Variants in AOAH observed in about 807,000 individuals in gnomAD.
AOAH encodes acyloxyacyl hydrolase, also known as acyloxyacyl hydrolase (neutrophil).
Under a neutral mutation model 92.2 loss-of-function variants are expected in AOAH, and 64 were observed. The ratio of observed to expected loss-of-function variants is 0.69; its 90% CI spans 0.57 to 0.86. The LOEUF (loss-of-function observed/expected upper bound fraction) is 0.86, where lower values mean the gene tolerates loss of function less well. Among genes scored for constraint, AOAH ranks in the 40% least tolerant of loss-of-function variants. The probability of loss-of-function intolerance (pLI) is 0.00; values close to 1 mark genes in which losing one functional copy is unlikely to be tolerated. For missense variants in AOAH, 656 were observed against 694.6 expected (o/e 0.94, Z 0.62); for synonymous variants, 263 against 254.5 (o/e 1.03, Z -0.32).
Position 36,569,578 on chromosome 7 carries a change from T to G in AOAH, c.1021+6996A>C, listed in dbSNP as rs549751834. On this transcript the variant is annotated intron_variant, in intron 13 of 20. Transcript: ENST00000617537. Reference sequence around the variant, plus strand: ...ACTACCAGATTTACATATCTATCTATCTATCTATCTATCTATCTATCTATC... The same window carrying G: ...ACTACCAGATTTACATATCTATCTAGCTATCTATCTATCTATCTATCTATC... 1.4e-3 allele frequency among the ~76,000 whole-genome samples: 206 copies of G among 148,264 alleles called. 1 individual carries two copies. Among genetic ancestry groups the G allele is most frequent in the Non-Finnish European group, 2.6e-3 (170 of 66,618 alleles).
chr7:36,687,695 G>C (rs1286738307), intron 1 of AOAH, among the ~76,000 whole-genome samples: 1 of 152,124 alleles, frequency 6.6e-6, no homozygotes, highest in Non-Finnish European at 1.5e-5. Flanking sequence ...GGCAAAGGAA[G>C]GTTTATGTCC....
At chr7:36,522,005 T>C in intron 20 of AOAH, 34 bp downstream of exon 20, 1 of 1,567,270 alleles carries the variant, frequency 6.4e-7, no homozygotes, top group Non-Finnish European at 8.8e-7. Flanking sequence ...AACCATCAAA[T>C]AGCCTTCTGC....
At chr7:36,532,629 G>A (rs1784768714) in intron 16 of AOAH, among the ~76,000 whole-genome samples, 1 of 152,158 alleles carries the variant, frequency 6.6e-6, no homozygotes, top group African/African-American at 2.4e-5. Context: ...TCTGGACTCA[G>A]GAAAAAGAAA....
At chr7:36,719,105 G>A (rs934738372) in intron 1 of AOAH, among the ~76,000 whole-genome samples, 1 of 151,726 alleles carries the variant, frequency 6.6e-6, no homozygotes, top group African/African-American at 2.4e-5. Context: ...TTATTTTTTC[G>A]CCTACCAAAC....
intron 11 of AOAH, among the ~76,000 whole-genome samples, chr7:36,615,031 G>A (rs1469537077): frequency 6.6e-6 from 1 of 152,168 alleles, no homozygotes. Context: ...CCTGGCCTGA[G>A]GAAGTGTTCA....
At chr7:36,649,979 T>C (rs1007443920) in intron 4 of AOAH, among the ~76,000 whole-genome samples, 2 of 152,198 alleles carry the variant, frequency 1.3e-5, no homozygotes, top group Admixed American at 6.5e-5. Flanking sequence ...CTGTGACCCA[T>C]GGTTTCTAAT....
chr7:36,566,359 CTTTTTT>C (rs11363143), intron 13 of AOAH, among the ~76,000 whole-genome samples: 1 of 120,698 alleles, frequency 8.3e-6, no homozygotes, highest in African/African-American at 3.0e-5. Flanking sequence ...TCATCCTTAA[CTTTTTT>C]TTTTTTTTTT....
In AOAH at chr7:36,620,834, GA is replaced by G. The variant is rs1221394585; in HGVS notation, c.654-6del. 2.5e-6 allele frequency: 4 copies of G among 1,612,902 alleles called. No homozygotes were observed. The highest frequency in any genetic ancestry group is 1.3e-5 in the African/African-American group (1 of 74,804). ...TGGACATCCCAGTTGTTCGGCCTAA[GA>G]AAAAAACATTAACATTGGTCTTTGA... is the stretch of plus-strand genomic sequence containing the variant. On this transcript the variant is annotated splice_polypyrimidine_tract_variant and splice_region_variant and intron_variant, in intron 8 of 20. Transcript: ENST00000617537.
chr7:36,651,832 C>T (rs1002149642), intron 4 of AOAH, among the ~76,000 whole-genome samples: 3 of 152,122 alleles, frequency 2.0e-5, no homozygotes, highest in African/African-American at 7.2e-5. Context: ...AGAGTTTGAC[C>T]TGTGATACTG....
At chr7:36,585,160 T>C (rs1035892096) in intron 12 of AOAH, among the ~76,000 whole-genome samples, 1 of 151,162 alleles carries the variant, frequency 6.6e-6, no homozygotes, top group South Asian at 2.1e-4. Flanking sequence ...AAAAAAGAAA[T>C]GTAGCTGAAG....
At chr7:36,580,713 T>A (rs551856499) in intron 12 of AOAH, among the ~76,000 whole-genome samples, 5 of 152,332 alleles carry the variant, frequency 3.3e-5, no homozygotes, top group African/African-American at 1.2e-4. Flanking sequence ...TGATTTTGAT[T>A]GGAAGCTGGG....
intron 11 of AOAH, among the ~76,000 whole-genome samples, chr7:36,609,936 C>A (rs1354535249): frequency 6.6e-6 from 1 of 151,888 alleles, no homozygotes; most frequent in African/African-American, 2.4e-5. Flanking sequence ...TTAGAACTGA[C>A]ATTTTGTTTA....
intron 1 of AOAH, among the ~76,000 whole-genome samples, chr7:36,695,900 A>G (rs1317370401): frequency 6.6e-6 from 1 of 152,116 alleles, no homozygotes; most frequent in Non-Finnish European, 1.5e-5. Context: ...TAGAAGTTTT[A>G]TAGTTTTAGC....
chr7:36,582,023 T>C (rs1196775518), intron 12 of AOAH, among the ~76,000 whole-genome samples: 1 of 152,210 alleles, frequency 6.6e-6, no homozygotes, highest in Non-Finnish European at 1.5e-5. Flanking sequence ...GATAGCTTAA[T>C]AGAAAATTAT....
At position 36,622,056 on chromosome 7, in the gene AOAH, C is replaced by T. The variant is rs1031260008; in HGVS notation, c.583-276G>A. ...ATGTGTGTGTGTGTGACATTAAGTG[C>T]GTGCTTGTATGTGCATGTGTGGGGG... is the stretch of plus-strand genomic sequence containing the variant. On this transcript the variant is annotated intron_variant, in intron 7 of 20. Transcript: ENST00000617537. 8.6e-5 allele frequency among the ~76,000 whole-genome samples: 13 copies of T among 151,898 alleles called. No individual in the cohort carries two copies. In the East Asian group the frequency reaches 1.2e-3, roughly 14 times the overall value.
Position 36,513,027 on chromosome 7 carries a change from A to G in AOAH, c.*225T>C, listed in dbSNP as rs985889757. On this transcript the variant is annotated 3_prime_UTR_variant, in exon 21 of 21. Transcript: ENST00000617537. ...GGAATGGCACCCAAAGCACTTTATG[A>G]AAGGTTATTTCAGGAACAGCGGAAG... 5.9e-6 allele frequency: 9 copies of G among 1,533,848 alleles called. No individual in the cohort carries two copies. The highest frequency in any genetic ancestry group is 6.1e-6 in the Non-Finnish European group (7 of 1,144,706).
chr7:36,538,605 A>C (rs1398080676), intron 16 of AOAH, among the ~76,000 whole-genome samples: 3 of 152,216 alleles, frequency 2.0e-5, no homozygotes, highest in East Asian at 3.9e-4. Context: ...TTTCCAAAGC[A>C]TTTCTTAGTG....
At chr7:36,679,561 T>TATAATATGTATACATTATTATATGC (rs1384674793) in intron 2 of AOAH, among the ~76,000 whole-genome samples, 2 of 140,150 alleles carry the variant, frequency 1.4e-5, no homozygotes, top group African/African-American at 5.0e-5. Flanking sequence ...TTATTATATG[T>TATAATATGTATACATTATTATATGC]ATAATATGTA....
At chr7:36,562,944 C>T (rs1013884035) in intron 13 of AOAH, among the ~76,000 whole-genome samples, 3 of 151,712 alleles carry the variant, frequency 2.0e-5, no homozygotes, top group African/African-American at 4.8e-5. Context: ...GTCAGGAGTT[C>T]GAGACCAACC....
Sources: allele counts gnomAD v4.1 joint callset (sites outside exome capture counted in the v4.1 genomes callset), GRCh38; gene constraint gnomAD v4.1.1; transcripts MANE v1.5; gene names NCBI Gene and HGNC (gene_info 2026-07-23, HGNC 2026-07-21).